CSMD1: variants seen among roughly 807,000 people sequenced by gnomAD.
CSMD1 encodes CUB and sushi domain-containing protein 1.
In CSMD1, 213 loss-of-function variants were observed where a neutral mutation model predicts 417.5. That is an observed-to-expected ratio of 0.51 (90% CI 0.46 to 0.57). CSMD1 has a LOEUF of 0.57. Ranked by LOEUF, CSMD1 falls within the 20% of genes least tolerant of loss-of-function variation. The probability of loss-of-function intolerance (pLI) is 0.00; values close to 1 mark genes in which losing one functional copy is unlikely to be tolerated. For synonymous variants in CSMD1, 2,862 were observed against 1,736.8 expected, an observed-to-expected ratio of 1.65 and a Z score of -16.11; for missense variants, 6,923 against 4,529.7, an observed-to-expected ratio of 1.53 and a Z score of -15.17.
intron 6 of CSMD1, among the ~76,000 whole-genome samples, chr8:3,722,604 G>A (rs17326768): frequency 0.44 from 67,020 of 151,900 alleles, 17,467 homozygotes; most frequent in Non-Finnish European, 0.6. Flanking sequence ...AAAGGACCCT[G>A]GTGGGAAAAG....
chr8:3,324,799 G>C (rs1302710087), intron 23 of CSMD1, among the ~76,000 whole-genome samples: 5 of 152,070 alleles, frequency 3.3e-5, no homozygotes, highest in African/African-American at 4.8e-5. Flanking sequence ...GTTCAATCTT[G>C]GCATTTACTA....
intron 6 of CSMD1, among the ~76,000 whole-genome samples, chr8:3,713,499 A>G (rs890965367): frequency 1.3e-5 from 2 of 151,968 alleles, no homozygotes; most frequent in South Asian, 2.1e-4. Flanking sequence ...CCTCCCTGTA[A>G]TCCCTCTGCC....
At chr8:3,702,426 A>T (rs749250342) in intron 7 of CSMD1, 1 of 152,242 alleles carries the variant, frequency 6.6e-6, no homozygotes, top group Non-Finnish European at 1.5e-5. Flanking sequence ...GGGCATCCAC[A>T]GATTATCTAC....
rs529412947 is a variant in CSMD1, at chr8:3,963,170, A to G, written c.818+34733T>C. Among the ~76,000 whole-genome samples, 2 of 152,098 alleles carry G rather than the reference A, an allele frequency of 1.3e-5. 1 individual carries two copies. The highest frequency in any genetic ancestry group is 4.1e-4 in the South Asian group (2 of 4,828). On this transcript the variant is annotated intron_variant, in intron 5 of 69. Transcript: ENST00000635120. ...TTGACTCAAACTCCTGACCTCCAGT[A>G]ACCCTCCATTCTCGGCCTCCCAAAG...
chr8:4,763,478 T>C (rs1812250594), intron 1 of CSMD1, among the ~76,000 whole-genome samples: 1 of 152,176 alleles, frequency 6.6e-6, no homozygotes, highest in Non-Finnish European at 1.5e-5. Flanking sequence ...GAGAGCTCCA[T>C]AATCATTCAA....
intron 4 of CSMD1, among the ~76,000 whole-genome samples, chr8:4,024,927 T>TG (rs112128293): frequency 0.092 from 13,951 of 152,172 alleles, 684 homozygotes; most frequent in Middle Eastern, 0.12. Context: ...AAAAAGGTGG[T>TG]GTTCAGGTGA....
intron 23 of CSMD1, among the ~76,000 whole-genome samples, chr8:3,332,567 G>C (rs1448192158): frequency 7.2e-5 from 11 of 152,216 alleles, no homozygotes; most frequent in Non-Finnish European, 1.5e-4. Context: ...ATTAACTACT[G>C]TAAGCTGAAA....
chr8:3,608,993 G>C (rs552582614), intron 8 of CSMD1, among the ~76,000 whole-genome samples: 1 of 152,196 alleles, frequency 6.6e-6, no homozygotes, highest in South Asian at 2.1e-4. Context: ...ACTTTGTGAA[G>C]TCCGCACACT....
At chr8:3,230,830 C>A (rs139345604) in intron 26 of CSMD1, among the ~76,000 whole-genome samples, 91 of 152,176 alleles carry the variant, frequency 6.0e-4, no homozygotes, top group Non-Finnish European at 8.1e-4. Flanking sequence ...ATATGGCCAC[C>A]CTAATATTAA....
At chr8:3,965,299 G>C (rs1258151865) in intron 5 of CSMD1, among the ~76,000 whole-genome samples, 1 of 152,150 alleles carries the variant, frequency 6.6e-6, no homozygotes, top group Non-Finnish European at 1.5e-5. Context: ...CTAAGCATGG[G>C]TTTCTGAAAT....
chr8:3,770,208 C>G (rs1278047479), intron 5 of CSMD1, among the ~76,000 whole-genome samples: 2 of 152,202 alleles, frequency 1.3e-5, no homozygotes, highest in African/African-American at 4.8e-5. Flanking sequence ...AACATTTCTA[C>G]ACATGGCTTC....
chr8:3,739,951 C>G lies in CSMD1; in HGVS notation c.931+13979G>C, dbSNP rs565847708. On this transcript the variant is annotated intron_variant, in intron 6 of 69. Coordinates refer to ENST00000635120, the MANE Select transcript of CSMD1 (RefSeq NM_033225.6). ...TCTAAAAATTACAGAGAAACTAATG[C>G]CAGAGTTCGATTCTCCTTCATGATC... is the stretch of plus-strand genomic sequence containing the variant. 3.3e-5 allele frequency among the ~76,000 whole-genome samples: 5 copies of G among 152,210 alleles called. No individual in the cohort carries two copies. In the East Asian group the frequency reaches 5.8e-4, roughly 18 times the overall value.
At chr8:4,834,750 A>G (rs983404936) in intron 1 of CSMD1, among the ~76,000 whole-genome samples, 14 of 151,760 alleles carry the variant, frequency 9.2e-5, no homozygotes, top group African/African-American at 1.7e-4. Context: ...ACATCAGGAG[A>G]TCGAGACCAT....
intron 1 of CSMD1, among the ~76,000 whole-genome samples, chr8:4,683,165 T>C (rs1480765586): frequency 6.6e-6 from 1 of 151,894 alleles, no homozygotes; most frequent in South Asian, 2.1e-4. Flanking sequence ...TTAATGTTTT[T>C]ACAAATTTTA....
At chr8:3,283,275 T>A (rs888022705) in intron 26 of CSMD1, among the ~76,000 whole-genome samples, 2 of 152,064 alleles carry the variant, frequency 1.3e-5, no homozygotes, top group Non-Finnish European at 2.9e-5. Context: ...CAGAGAGACT[T>A]CATTACATAA....
intron 22 of CSMD1, among the ~76,000 whole-genome samples, chr8:3,345,017 C>G (rs926074512): frequency 6.6e-6 from 1 of 152,184 alleles, no homozygotes; most frequent in Non-Finnish European, 1.5e-5. Flanking sequence ...CCAGAGGAAT[C>G]TGGGTCAAAG....
At chr8:4,212,132 G>C (rs184091112) in intron 3 of CSMD1, among the ~76,000 whole-genome samples, 2 of 151,104 alleles carry the variant, frequency 1.3e-5, no homozygotes, top group Non-Finnish European at 3.0e-5. Context: ...AGGAGAAGAA[G>C]TGTCCTTTAT....
chr8:3,403,809 G>A (rs552456656), intron 15 of CSMD1, among the ~76,000 whole-genome samples: 19 of 152,244 alleles, frequency 1.2e-4, no homozygotes, highest in African/African-American at 4.3e-4. Context: ...CACCACATGT[G>A]TATATATTTA....
At chr8:4,113,533 T>C (rs1384960828) in intron 3 of CSMD1, among the ~76,000 whole-genome samples, 1 of 151,636 alleles carries the variant, frequency 6.6e-6, no homozygotes, top group Non-Finnish European at 1.5e-5. Flanking sequence ...GCCTCCTGAG[T>C]AGCTGGGATT....
Sources: gnomAD v4.1 joint callset for allele counts (sites outside exome capture counted in the v4.1 genomes callset) on GRCh38, gnomAD v4.1.1 for gene constraint, MANE v1.5 for transcripts, NCBI Gene and HGNC (gene_info 2026-07-23, HGNC 2026-07-21) for gene names.